The following HECW2 variants were observed in gnomAD, a reference collection of about 807,000 sequenced individuals.
HECW2 encodes the protein E3 ubiquitin-protein ligase HECW2.
Under a neutral mutation model 175.2 loss-of-function variants are expected in HECW2, and 61 were observed. The ratio of observed to expected loss-of-function variants is 0.35; its 90% confidence interval spans 0.28 to 0.43. The LOEUF (loss-of-function observed/expected upper bound fraction) is 0.43, where lower values mean the gene tolerates loss of function less well. HECW2 is among the 20% of genes least tolerant of loss of function. The pLI, the probability that HECW2 is intolerant of heterozygous loss-of-function variation, is 1.00. For missense variants in HECW2, 1,524 were observed against 2,000.5 expected (o/e 0.76, Z 4.54); for synonymous variants, 671 against 731.0 (o/e 0.92, Z 1.32).
intron 1 of HECW2, among the ~76,000 whole-genome samples, chr2:196,566,681 A>C: frequency 6.8e-6 from 1 of 146,666 alleles, no homozygotes; most frequent in African/African-American, 2.5e-5. Context: ...TACAGGTGCC[A>C]GCCACCACAC....
At chr2:196,344,882 A>AAG (rs1692896583) in intron 2 of HECW2, among the ~76,000 whole-genome samples, 1 of 152,208 alleles carries the variant, frequency 6.6e-6, no homozygotes, top group African/African-American at 2.4e-5. Context: ...AATAGTCCTG[A>AAG]GGAGAAAAAC....
rs1686740871 is a variant in HECW2 at position 196,197,903 on chromosome 2, T to G, written c.*3374A>C. ...TATTCTACCATTTCTTTCAAACACT[T>G]GAATGCATTTTTACCATTTCTGATT... is the stretch of plus-strand genomic sequence containing the variant. On this transcript the variant is annotated 3_prime_UTR_variant, in exon 29 of 29. Transcript: ENST00000644978. The G allele has an allele frequency of 1.3e-5, 2 of 152,238 alleles. No individual in the cohort carries two copies. Among genetic ancestry groups the G allele is most frequent in the African/African-American group, 4.8e-5 (2 of 41,468 alleles). The allele number at this position is 152,238 out of a possible 1,614,324, so 9.4% of individuals were successfully genotyped here.
chr2:196,546,152 CT>C (rs1003238187), intron 1 of HECW2, among the ~76,000 whole-genome samples: 1 of 152,144 alleles, frequency 6.6e-6, no homozygotes, highest in Non-Finnish European at 1.5e-5. Flanking sequence ...TTACAGCTAC[CT>C]TTTATGCAAA....
At chr2:196,399,827 G>A (rs1694770823) in intron 2 of HECW2, among the ~76,000 whole-genome samples, 1 of 152,180 alleles carries the variant, frequency 6.6e-6, no homozygotes, top group South Asian at 2.1e-4. Context: ...TGAACAAACA[G>A]TTAAATAGCC....
In HECW2 at chr2:196,198,557, C is replaced by A. The variant is rs1432931168; in HGVS notation, c.*2720G>T. The A allele has an allele frequency of 1.3e-5, 2 of 152,196 alleles. No individual in the cohort carries two copies. The highest frequency in any genetic ancestry group is 2.9e-5 in the Non-Finnish European group (2 of 68,042). 9.4% of individuals were successfully genotyped at this position (152,196 alleles called of 1,614,324 possible). ...CATCGTCAAACAAACATCAAACTGG[C>A]ACAGAGGGAATGCCAATGATGTGCT... On this transcript the variant is annotated 3_prime_UTR_variant, in exon 29 of 29. Transcript: ENST00000644978.
intron 2 of HECW2, among the ~76,000 whole-genome samples, chr2:196,410,103 C>G (rs1695069178): frequency 6.6e-6 from 1 of 152,132 alleles, no homozygotes; most frequent in Admixed American, 6.5e-5. Flanking sequence ...TTTATCCTAT[C>G]ATGTAGGATG....
intron 1 of HECW2, among the ~76,000 whole-genome samples, chr2:196,537,538 C>T (rs750202177): frequency 3.3e-5 from 5 of 152,128 alleles, no homozygotes; most frequent in Non-Finnish European, 5.9e-5. Context: ...TGAACCAGGA[C>T]GGACAACAGG....
At position 196,201,187 on chromosome 2, in the gene HECW2, A is replaced by G; in HGVS notation, c.*90T>C. The G allele has an allele frequency of 1.2e-6, 1 of 863,936 alleles. No individual in the cohort carries two copies. The highest frequency in any genetic ancestry group is 1.4e-5 in the South Asian group (1 of 73,842). 53.5% of individuals were successfully genotyped at this position (863,936 alleles called of 1,614,324 possible). A position where few individuals can be genotyped will look rare whatever the true frequency, so the allele number is the denominator to read the frequency against. On this transcript the variant is annotated 3_prime_UTR_variant, in exon 29 of 29. Coordinates refer to ENST00000644978, the MANE Select transcript of HECW2 (RefSeq NM_001348768.2). ...CACATAGCTTTATCCTAAAGGAAGC[A>G]TCCTCTTGAAACTTCCAATGTTCAA... is the stretch of plus-strand genomic sequence containing the variant.
At chr2:196,272,888 T>A (rs896365429) in intron 16 of HECW2, among the ~76,000 whole-genome samples, 8 of 94,766 alleles carry the variant, frequency 8.4e-5, no homozygotes, top group South Asian at 1.0e-3. Context: ...ATATTAGTAA[T>A]AACATAAAAA....
In HECW2 at chr2:196,223,850, G is replaced by C. The variant is rs1687756572; in HGVS notation, c.4017-1510C>G. ...TAACTAGGGCTGTGCTATTAAGGTTGGAGAGAAGAAGATGAATTTGAAAAT... is the reference window on the plus strand; with the variant it reads ...TAACTAGGGCTGTGCTATTAAGGTTCGAGAGAAGAAGATGAATTTGAAAAT... On this transcript the variant is annotated intron_variant, in intron 23 of 28. Transcript: ENST00000644978. Among the ~76,000 whole-genome samples, 6 of 152,152 alleles carry C rather than the reference G, an allele frequency of 3.9e-5. 1 individual carries two copies. The highest frequency in any genetic ancestry group is 3.9e-4 in the Admixed American group (6 of 15,276).
chr2:196,477,561 CAA>C (rs112234643), intron 1 of HECW2, among the ~76,000 whole-genome samples: 251 of 152,328 alleles, frequency 1.6e-3, no homozygotes, highest in African/African-American at 5.7e-3. Context: ...TAATTTCACA[CAA>C]AGTCTATGCT....
rs368031257 is a variant in HECW2 at position 196,336,799 on chromosome 2, G to A, written c.401-2281C>T. On this transcript the variant is annotated intron_variant, in intron 3 of 28. Transcript: ENST00000644978. ...CCTGAAACTAAGATCAATGTATCTC[G>A]AATTGCACAAAAGTAGATTTTGTGG... is the stretch of plus-strand genomic sequence containing the variant. Among the ~76,000 whole-genome samples the A allele has an allele frequency of 7.2e-5, 11 of 152,092 alleles. No homozygotes were observed. In the Middle Eastern group the frequency reaches 0.01, roughly 141 times the overall value.
In HECW2 at chr2:196,536,505, T is replaced by TA. The variant is rs552696393; in HGVS notation, c.-36+57002dup. On this transcript the variant is annotated intron_variant, in intron 1 of 28. Coordinates refer to ENST00000644978, the MANE Select transcript of HECW2 (RefSeq NM_001348768.2). The stretch of plus-strand genomic sequence containing the variant: ...CCTCACAAAACTCCTGCTGCCTATG[T>TA]ATCTCTGTTCCCACCAACCTTAAAA... Among the ~76,000 whole-genome samples the TA allele has an allele frequency of 4.1e-3, 626 of 152,306 alleles. 3 individuals carry two copies. The highest frequency in any genetic ancestry group is 7.4e-3 in the Non-Finnish European group (501 of 68,024).
rs80260678 is a variant in HECW2, at chr2:196,242,002, C to A, written c.3650+82G>T. The A allele has an allele frequency of 3.2e-3, 4,246 of 1,341,356 alleles. 116 individuals are homozygous for A. The African/African-American group carries it at 0.054, about 17-fold the overall frequency. The allele number at this position is 1,341,356 out of a possible 1,614,324, so 83.1% of individuals were successfully genotyped here. On this transcript the variant is annotated intron_variant, in intron 20 of 28. Coordinates refer to ENST00000644978, the MANE Select transcript of HECW2 (RefSeq NM_001348768.2). Reference sequence around the variant, plus strand: ...AAAATGAAGGCTAGTCATCCCAAATCACAATCAATTTCCTAGAGGCCCAAC... The same window carrying A: ...AAAATGAAGGCTAGTCATCCCAAATAACAATCAATTTCCTAGAGGCCCAAC...
At chr2:196,460,371 T>C (rs1011256613) in intron 1 of HECW2, among the ~76,000 whole-genome samples, 2 of 151,868 alleles carry the variant, frequency 1.3e-5, no homozygotes, top group African/African-American at 4.8e-5. Flanking sequence ...AAGAACAGAC[T>C]CAATATTCAC....
At chr2:196,255,228 A>G (rs969880620) in intron 18 of HECW2, among the ~76,000 whole-genome samples, 1 of 139,786 alleles carries the variant, frequency 7.2e-6, no homozygotes, top group Non-Finnish European at 1.5e-5. Context: ...TGACCTCATC[A>G]TGATCCGCCT....
intron 13 of HECW2, among the ~76,000 whole-genome samples, chr2:196,303,502 C>G (rs1691145497): frequency 6.6e-6 from 1 of 152,030 alleles, no homozygotes; most frequent in African/African-American, 2.4e-5. Flanking sequence ...TTTTTTGTAT[C>G]TCTAGTAGTA....
chr2:196,355,483 T>C (rs1393781611), intron 2 of HECW2, among the ~76,000 whole-genome samples: 1 of 152,164 alleles, frequency 6.6e-6, no homozygotes, highest in Non-Finnish European at 1.5e-5. Context: ...AGGCTCAAAG[T>C]AGTAGAACAA....
intron 1 of HECW2, among the ~76,000 whole-genome samples, chr2:196,567,281 A>C (rs1690221421): frequency 6.6e-6 from 1 of 152,224 alleles, no homozygotes; most frequent in South Asian, 2.1e-4. Flanking sequence ...AATAACAGAA[A>C]GAATGTTAAG....
Sources: allele counts gnomAD v4.1 joint callset (sites outside exome capture counted in the v4.1 genomes callset), GRCh38; gene constraint gnomAD v4.1.1; transcripts MANE v1.5; gene names NCBI Gene and HGNC (gene_info 2026-07-23, HGNC 2026-07-21).